The following DNMT1 variants were observed in gnomAD, a reference collection of about 807,000 sequenced individuals.
DNMT1 encodes the protein DNA (cytosine-5)-methyltransferase 1.
Under a neutral mutation model 205.3 loss-of-function variants are expected in DNMT1, and 24 were observed. The observed-to-expected ratio is 0.12, with a 90% CI of 0.08 to 0.16. The LOEUF (loss-of-function observed/expected upper bound fraction) is 0.16. Among genes scored for constraint, DNMT1 ranks in the 10% least tolerant of loss-of-function variants. The pLI, the probability that DNMT1 is intolerant of heterozygous loss-of-function variation, is 1.00. For synonymous variants in DNMT1, 817 were observed against 839.8 expected, an observed-to-expected ratio of 0.97 and a Z score of 0.47; for missense variants, 1,293 against 2,177.7, an observed-to-expected ratio of 0.59 and a Z score of 8.09.
chr19:10,137,388 C>T lies in DNMT1; in HGVS notation c.4294-108G>A. ...ATGGTGACCAGGAAGCCCCCTGGGGCTCACGCCCATCGGGAAAGAGACAGT... is the reference window on the plus strand; with the variant it reads ...ATGGTGACCAGGAAGCCCCCTGGGGTTCACGCCCATCGGGAAAGAGACAGT... On this transcript the variant is annotated intron_variant, in intron 36 of 40. Coordinates refer to ENST00000359526, the MANE Select transcript of DNMT1 (RefSeq NM_001130823.3). The surrounding 1 kb of genome is among the most constrained non-coding windows in gnomAD (Gnocchi z 6.4). 7.3e-7 allele frequency: 1 copy of T among 1,365,144 alleles called. No homozygotes were observed. Among genetic ancestry groups the T allele is most frequent in the Non-Finnish European group, 1.0e-6 (1 of 998,900 alleles). The allele number at this position is 1,365,144 out of a possible 1,614,324, so 84.6% of individuals were successfully genotyped here.
intron 39 of DNMT1, 170 bp downstream of exon 39, chr19:10,135,566 A>T: frequency 1.4e-6 from 1 of 695,426 alleles, no homozygotes; most frequent in Non-Finnish European, 2.5e-6. Context: ...CCTGACTCGG[A>T]TGTCTCAGCA....
Position 10,182,359 on chromosome 19 carries a change from ATG to A in DNMT1, c.81-284_81-283del, listed in dbSNP as rs773517084. Reference sequence around the variant, plus strand: ...GCAGCTCTGTAACACAATTATGTGTATGTGTGTGTGTGTGTATATATATACAT... The same window carrying A: ...GCAGCTCTGTAACACAATTATGTGTATGTGTGTGTGTGTATATATATACAT... On this transcript the variant is annotated intron_variant, in intron 1 of 40. Transcript: ENST00000359526. 2.5e-3 allele frequency among the ~76,000 whole-genome samples: 366 copies of A among 148,810 alleles called. 6 individuals are homozygous for A. Among genetic ancestry groups the A allele is most frequent in the African/African-American group, 8.1e-3 (328 of 40,402 alleles).
chr19:10,191,598 C>T (rs2039306167), intron 1 of DNMT1, among the ~76,000 whole-genome samples: 1 of 152,150 alleles, frequency 6.6e-6, no homozygotes, highest in Non-Finnish European at 1.5e-5. Context: ...CAGTGGCCTA[C>T]TGGCAACCCC....
At chr19:10,169,358 C>A (rs1315503017) in intron 9 of DNMT1, among the ~76,000 whole-genome samples, 2 of 128,374 alleles carry the variant, frequency 1.6e-5, no homozygotes, top group Admixed American at 9.6e-5. Flanking sequence ...CTGGCTAACA[C>A]AGTGAAACCC....
At chr19:10,175,453 A>G (rs771094962) in intron 7 of DNMT1, 87 bp downstream of exon 7, 19 of 1,528,518 alleles carry the variant, frequency 1.2e-5, no homozygotes, top group Admixed American at 1.7e-5. Context: ...CAGGGTTTTT[A>G]TTTACTTGGA....
intron 26 of DNMT1, 70 bp downstream of exon 26, chr19:10,149,383 A>G (rs1400816110): frequency 9.0e-6 from 14 of 1,563,106 alleles, no homozygotes; most frequent in East Asian, 2.2e-5. Context: ...AATCAAAACA[A>G]AACAGAACGC....
At position 10,182,674 on chromosome 19, in the gene DNMT1, TAGAC is replaced by T. The variant is rs766990737; in HGVS notation, c.81-601_81-598del. On this transcript the variant is annotated intron_variant, in intron 1 of 40. Transcript: ENST00000359526. Reference sequence around the variant, plus strand: ...CATACATATACATTATACAGATAGATAGACAGACAGACAGACATGGAGTCTCGCT... The same window carrying T: ...CATACATATACATTATACAGATAGATAGACAGACAGACATGGAGTCTCGCT... Among the ~76,000 whole-genome samples the T allele has an allele frequency of 2.6e-3, 395 of 151,554 alleles. 3 individuals carry two copies. The highest frequency in any genetic ancestry group is 8.1e-3 in the African/African-American group (333 of 41,352).
At chr19:10,142,873 C>G (rs951176455) in intron 29 of DNMT1, 1 of 157,978 alleles carries the variant, frequency 6.3e-6, no homozygotes, top group East Asian at 1.9e-4. Flanking sequence ...CTGCTGTGTC[C>G]GCCTGCCGGT....
chr19:10,172,002 G>A (rs2038829187), intron 9 of DNMT1, among the ~76,000 whole-genome samples: 1 of 148,656 alleles, frequency 6.7e-6, no homozygotes, highest in African/African-American at 2.5e-5. Flanking sequence ...GCGGGAGACT[G>A]TCTCAAAAAA....
chr19:10,191,239 C>T (rs1401543711), intron 1 of DNMT1, among the ~76,000 whole-genome samples: 1 of 151,188 alleles, frequency 6.6e-6, no homozygotes, highest in East Asian at 1.9e-4. Flanking sequence ...TGAGATCACA[C>T]CATTGCACTC....
chr19:10,149,332 A>T, intron 26 of DNMT1, 121 bp downstream of exon 26: 1 of 1,273,350 alleles, frequency 7.9e-7, no homozygotes, highest in South Asian at 1.3e-5. Flanking sequence ...TCTCAAAACA[A>T]AAAAAAAAAC....
chr19:10,186,897 C>G (rs1004117413), intron 1 of DNMT1, among the ~76,000 whole-genome samples: 3 of 143,646 alleles, frequency 2.1e-5, no homozygotes, highest in Non-Finnish European at 3.0e-5. Flanking sequence ...AAGGCAAATA[C>G]AGCTCACGCC....
chr19:10,151,354 T>C lies in DNMT1; in HGVS notation c.2265+44A>G. On this transcript the variant is annotated intron_variant, in intron 24 of 40. Transcript: ENST00000359526. The surrounding 1 kb of genome is among the most constrained non-coding windows in gnomAD (Gnocchi z 5.0). The stretch of plus-strand genomic sequence containing the variant: ...GAGATACTAGAGGGCAACCTGCTTA[T>C]TGGGAACATGGCAGTGAGCTGACCA... 2 of 1,607,036 alleles carry C rather than the reference T, an allele frequency of 1.2e-6. No individual in the cohort carries two copies. Among genetic ancestry groups the C allele is most frequent in the Non-Finnish European group, 1.7e-6 (2 of 1,179,962 alleles).
chr19:10,182,036 A>T lies in DNMT1; in HGVS notation c.117+5T>A, dbSNP rs765918862. 5 of 1,612,044 alleles carry T rather than the reference A, an allele frequency of 3.1e-6. No individual in the cohort carries two copies. The highest frequency in any genetic ancestry group is 4.2e-6 in the Non-Finnish European group (5 of 1,178,666). On this transcript the variant is annotated splice_donor_5th_base_variant and intron_variant, in intron 2 of 40. Coordinates refer to ENST00000359526, the MANE Select transcript of DNMT1 (RefSeq NM_001130823.3). ...TAATAAGAAAAATTTTAAGGTGGAG[A>T]TTACCTTTTCTGTTAAGCTGTCTCT... is the stretch of plus-strand genomic sequence containing the variant.
At chr19:10,193,797 CAA>C (rs1178011496) in intron 1 of DNMT1, among the ~76,000 whole-genome samples, 5 of 152,066 alleles carry the variant, frequency 3.3e-5, no homozygotes, top group Non-Finnish European at 5.9e-5. Context: ...AGAAAAATGG[CAA>C]AGAGTGCTTT....
At chr19:10,164,673 A>G (rs934114379) in intron 11 of DNMT1, among the ~76,000 whole-genome samples, 20 of 151,784 alleles carry the variant, frequency 1.3e-4, no homozygotes, top group Admixed American at 7.2e-4. Context: ...CACACACATA[A>G]TCCCAGCACC....
chr19:10,176,274 C>G (rs1038378553), intron 6 of DNMT1, among the ~76,000 whole-genome samples: 2 of 152,054 alleles, frequency 1.3e-5, no homozygotes, highest in African/African-American at 4.8e-5. Flanking sequence ...TGTGGAACAC[C>G]ACAAGGATGC....
chr19:10,180,706 C>T, intron 3 of DNMT1, 72 bp downstream of exon 3: 11 of 1,519,726 alleles, frequency 7.2e-6, no homozygotes, highest in Non-Finnish European at 1.0e-5. Context: ...GATCTTGCTG[C>T]CTCCCTGGTC....
chr19:10,141,937 C>A, intron 30 of DNMT1, 91 bp downstream of exon 30: 1 of 1,486,452 alleles, frequency 6.7e-7, no homozygotes, highest in Non-Finnish European at 9.1e-7. Context: ...TGAAACCCTG[C>A]AGCCAAGCCG....
Sources: allele counts gnomAD v4.1 joint callset (sites outside exome capture counted in the v4.1 genomes callset), GRCh38; gene constraint gnomAD v4.1.1; non-coding constraint Gnocchi (gnomAD v3.1); transcripts MANE v1.5; gene names NCBI Gene and HGNC (gene_info 2026-07-23, HGNC 2026-07-21).